WIPF1: variants seen among roughly 807,000 people sequenced by gnomAD.
WIPF1 encodes the protein WAS/WASL-interacting protein family member 1.
WIPF1 carries 13 observed loss-of-function variants against 35.4 expected under a neutral mutation model. That is an observed-to-expected ratio of 0.37 (90% CI 0.24 to 0.58). WIPF1 has a LOEUF of 0.58. WIPF1 is among the 20% of genes least tolerant of loss of function. The pLI is 0.74. For synonymous variants in WIPF1, 267 were observed against 266.3 expected (o/e 1.00, Z -0.02); for missense variants, 591 against 667.0 (o/e 0.89, Z 1.25).
At chr2:174,658,816 A>C (rs1024471537) in intron 1 of WIPF1, among the ~76,000 whole-genome samples, 6 of 151,774 alleles carry the variant, frequency 4.0e-5, no homozygotes, top group African/African-American at 1.2e-4. Flanking sequence ...CTTGAAAAAA[A>C]TGAGTTCTAC....
chr2:174,679,089 G>T (rs1307004804), intron 1 of WIPF1, among the ~76,000 whole-genome samples: 1 of 152,178 alleles, frequency 6.6e-6, no homozygotes, highest in Non-Finnish European at 1.5e-5. Context: ...CACTGTCCCA[G>T]CCAATCTGCT....
upstream of WIPF1, among the ~76,000 whole-genome samples, chr2:174,602,292 G>T (rs1686034144): frequency 6.6e-6 from 1 of 152,198 alleles, no homozygotes; most frequent in Non-Finnish European, 1.5e-5. Context: ...AAGTGCTGAA[G>T]AATCACAGCC....
chr2:174,581,335 A>G lies in WIPF1; in HGVS notation c.156T>C (p.Asn52=), dbSNP rs749905121. 1.2e-6 allele frequency: 2 copies of G among 1,614,058 alleles called. No homozygotes were observed. Among genetic ancestry groups the G allele is most frequent in the Admixed American group, 1.7e-5 (1 of 60,032 alleles). The change falls in exon 3 of 8, where the codon AAT becomes AAC. Residue 52 remains asparagine (N), a synonymous_variant. Transcript: ENST00000679041. The part of the protein sequence containing the change: ...KGKKLKKTVT[N]DRSAPILDKP... ...TGTCCAGTATTGGTGCACTTCTGTCATTGGTGACCGTCTTCTTTAGTTTCT... is the reference window on the plus strand; with the variant it reads ...TGTCCAGTATTGGTGCACTTCTGTCGTTGGTGACCGTCTTCTTTAGTTTCT...
At chr2:174,661,177 T>C (rs1481809868) in intron 1 of WIPF1, among the ~76,000 whole-genome samples, 8 of 152,226 alleles carry the variant, frequency 5.3e-5, no homozygotes, top group African/African-American at 1.2e-4. Flanking sequence ...GTGCAGCAGG[T>C]AGACCTGCCT....
intron 1 of WIPF1, among the ~76,000 whole-genome samples, chr2:174,639,002 T>C (rs949432983): frequency 3.9e-5 from 6 of 152,220 alleles, no homozygotes; most frequent in Admixed American, 2.6e-4. Context: ...TTTTTCTTTT[T>C]TGTAAATTCT....
chr2:174,592,344 T>G (rs1306281526), intron 1 of WIPF1, among the ~76,000 whole-genome samples: 1 of 152,202 alleles, frequency 6.6e-6, no homozygotes, highest in Non-Finnish European at 1.5e-5. Flanking sequence ...CAATTACATT[T>G]ATCATTAATT....
At chr2:174,585,480 G>T in intron 2 of WIPF1, 43 bp downstream of exon 2, 2 of 1,600,622 alleles carry the variant, frequency 1.2e-6, no homozygotes, top group Non-Finnish European at 1.7e-6. Context: ...GCTTCATTTG[G>T]CTTGCTTTAT....
intron 2 of WIPF1, among the ~76,000 whole-genome samples, chr2:174,583,164 C>G (rs2105835395): frequency 6.6e-6 from 1 of 152,362 alleles, no homozygotes; most frequent in African/African-American, 2.4e-5. Context: ...AGTTTCTCTG[C>G]TGTCCTTCCA....
chr2:174,627,683 A>C (rs1686891716), intron 1 of WIPF1, among the ~76,000 whole-genome samples: 1 of 151,822 alleles, frequency 6.6e-6, no homozygotes, highest in African/African-American at 2.4e-5. Flanking sequence ...ATTAGCTGGA[A>C]CCACAGGTGA....
At chr2:174,574,293 TGA>T (rs1684975651) in intron 4 of WIPF1, among the ~76,000 whole-genome samples, 1 of 152,214 alleles carries the variant, frequency 6.6e-6, no homozygotes, top group Non-Finnish European at 1.5e-5. Context: ...ATCCTTTTGG[TGA>T]GTTTTAAATA....
rs556049999 is a variant in WIPF1, at chr2:174,594,676, TTC to T, written c.-39+2923_-39+2924del. ...CCAGAGGATTAAGATGTGCCACTGT[TTC>T]TCTCTCTCTCTTTCTCTCTCTCTCT... is the stretch of plus-strand genomic sequence containing the variant. On this transcript the variant is annotated intron_variant, in intron 1 of 7. Coordinates refer to ENST00000679041, the MANE Select transcript of WIPF1 (RefSeq NM_001375834.1). Among the ~76,000 whole-genome samples, 8 of 78,134 alleles carry T rather than the reference TTC, an allele frequency of 1.0e-4. 1 individual carries two copies. The South Asian group carries it at 2.1e-3, about 20-fold the overall frequency. The allele number at this position is 78,134 out of a possible 152,430, so 51.3% of individuals were successfully genotyped here.
At chr2:174,595,109 A>AAAAAAAATAT (rs1553529785) in intron 1 of WIPF1, among the ~76,000 whole-genome samples, 15 of 57,746 alleles carry the variant, frequency 2.6e-4, no homozygotes, top group South Asian at 8.2e-4. Context: ...AAAAAAAAAA[A>AAAAAAAATAT]ATATATATAT....
chr2:174,571,765 G>C lies in WIPF1; in HGVS notation c.1040C>G (p.Pro347Arg), dbSNP rs1336756834. The C allele has an allele frequency of 6.2e-7, 1 of 1,614,218 alleles. No homozygotes were observed. The highest frequency in any genetic ancestry group is 8.5e-7 in the Non-Finnish European group (1 of 1,180,038). Residue 347 changes from proline to arginine, a missense_variant, in exon 5 of 8, where the codon CCG (proline) becomes CGG (arginine). Transcript: ENST00000679041. The surrounding 1 kb of genome is among the most constrained non-coding windows in gnomAD (Gnocchi z 4.6). ...RNLSLSSSTP[P>R]LPSPGRSGPL... is the part of the protein sequence containing the mutation. ...ACCTGAACGTCCTGGCGAAGGTAACGGGGGCGTGGACGAACTGAGGGACAG... is the reference window on the plus strand; with the variant it reads ...ACCTGAACGTCCTGGCGAAGGTAACCGGGGCGTGGACGAACTGAGGGACAG...
At chr2:174,608,099 C>G (rs376858030) in intron 1 of WIPF1, among the ~76,000 whole-genome samples, 17 of 152,096 alleles carry the variant, frequency 1.1e-4, no homozygotes, top group African/African-American at 3.9e-4. Flanking sequence ...GCCCTGCCAA[C>G]AGATTTAACG....
intron 1 of WIPF1, among the ~76,000 whole-genome samples, chr2:174,612,309 G>A (rs1409943022): frequency 6.6e-6 from 1 of 152,018 alleles, no homozygotes; most frequent in Non-Finnish European, 1.5e-5. Context: ...ATCATACTTT[G>A]GATGTGTACG....
chr2:174,583,839 C>T (rs1173621036), intron 2 of WIPF1, among the ~76,000 whole-genome samples: 1 of 151,748 alleles, frequency 6.6e-6, no homozygotes, highest in African/African-American at 2.4e-5. Context: ...TGTTTTTTTG[C>T]GACAGAGTCT....
chr2:174,647,305 G>C (rs1159911794), intron 1 of WIPF1, among the ~76,000 whole-genome samples: 3 of 151,850 alleles, frequency 2.0e-5, no homozygotes, highest in East Asian at 3.9e-4. Context: ...TTCAGGCCAG[G>C]AGTCCGAGGC....
At chr2:174,621,062 G>A (rs1210540503) in intron 1 of WIPF1, among the ~76,000 whole-genome samples, 1 of 152,160 alleles carries the variant, frequency 6.6e-6, no homozygotes, top group Non-Finnish European at 1.5e-5. Context: ...TTTAAGCAGC[G>A]ATGCCATGGT....
chr2:174,630,125 G>C (rs959401089), intron 1 of WIPF1, among the ~76,000 whole-genome samples: 37 of 152,150 alleles, frequency 2.4e-4, no homozygotes, highest in African/African-American at 8.7e-4. Flanking sequence ...GTATATTTGT[G>C]TGTGCGAACA....
Sources: gnomAD v4.1 joint callset for allele counts (sites outside exome capture counted in the v4.1 genomes callset) on GRCh38, gnomAD v4.1.1 for gene constraint, Gnocchi (gnomAD v3.1) non-coding constraint, MANE v1.5 for transcripts, NCBI Gene and HGNC (gene_info 2026-07-23, HGNC 2026-07-21) for gene names.